The following PCDHA5 variants were observed in gnomAD, a reference collection of about 807,000 sequenced individuals.
PCDHA5 encodes protocadherin alpha-5.
In PCDHA5, 43 loss-of-function variants were observed where a neutral mutation model predicts 61.6. The ratio of observed to expected loss-of-function variants is 0.70; its 90% CI spans 0.55 to 0.90. The LOEUF (loss-of-function observed/expected upper bound fraction) is 0.90. PCDHA5 is among the 40% of genes least tolerant of loss of function. The pLI is 0.00. For synonymous variants in PCDHA5, 627 were observed against 543.9 expected, an observed-to-expected ratio of 1.15 and a Z score of -2.13; for missense variants, 1,298 against 1,222.7, an observed-to-expected ratio of 1.06 and a Z score of -0.92.
chr5:140,869,373 C>A (rs782224697), intron 1 of PCDHA5: 1 of 1,614,102 alleles, frequency 6.2e-7, no homozygotes, highest in Non-Finnish European at 8.5e-7. Context: ...ATTCTCGGAT[C>A]GACCGCGAGG....
intron 1 of PCDHA5, chr5:140,842,567 G>A: frequency 1.3e-6 from 2 of 1,504,984 alleles, no homozygotes; most frequent in Non-Finnish European, 1.8e-6. Context: ...CCTGGACCGC[G>A]AGAGAGTGTC....
intron 1 of PCDHA5, chr5:140,843,377 G>C (rs375387773): frequency 1.3e-6 from 2 of 1,596,146 alleles, no homozygotes; most frequent in Non-Finnish European, 1.7e-6. Flanking sequence ...GTCGGCTGGC[G>C]TTTTGGGTCC....
intron 1 of PCDHA5, chr5:140,841,618 C>T (rs782778902): frequency 6.2e-7 from 1 of 1,614,014 alleles, no homozygotes; most frequent in South Asian, 1.1e-5. Flanking sequence ...GCGGGCGGAG[C>T]GCGGAGTGCA....
At position 140,871,191 on chromosome 5, in the gene PCDHA5, C is replaced by A. The variant is rs370303558; in HGVS notation, c.2352+47064C>A. The A allele has an allele frequency of 2.4e-5, 38 of 1,613,538 alleles. No individual in the cohort carries two copies. The African/African-American group carries it at 4.4e-4, about 19-fold the overall frequency. ...CAGAGGCTGCGCTGGTGGATGTCAA[C>A]GTGTACCTGATCATCGCCATCTGCG... On this transcript the variant is annotated intron_variant, in intron 1 of 3. Transcript: ENST00000529859.
At chr5:140,960,934 A>G (rs1429908471) in intron 1 of PCDHA5, among the ~76,000 whole-genome samples, 3 of 152,236 alleles carry the variant, frequency 2.0e-5, no homozygotes, top group Admixed American at 1.3e-4. Context: ...TACTAAGTTT[A>G]GTGAATTAGA....
At chr5:140,928,874 C>T (rs782794510) in intron 1 of PCDHA5, 1 of 1,614,194 alleles carries the variant, frequency 6.2e-7, no homozygotes, top group Admixed American at 1.7e-5. Context: ...AACTCTGTCC[C>T]TCAGTTACTT....
At position 140,979,482 on chromosome 5, in the gene PCDHA5, C is replaced by A. The variant is rs568650143; in HGVS notation, c.2411+475C>A. On this transcript the variant is annotated intron_variant, in intron 2 of 3. Coordinates refer to ENST00000529859, the MANE Select transcript of PCDHA5 (RefSeq NM_018908.3). Reference sequence around the variant, plus strand: ...ATTGATTGCTATTGTTGTTTGTGTTCACACCTATTAGAGCCTCCTCATCTT... The same window carrying A: ...ATTGATTGCTATTGTTGTTTGTGTTAACACCTATTAGAGCCTCCTCATCTT... Among the ~76,000 whole-genome samples, 6 of 152,068 alleles carry A rather than the reference C, an allele frequency of 3.9e-5. No homozygotes were observed. In the South Asian group the frequency reaches 1.0e-3, roughly 26 times the overall value.
At chr5:140,948,313 G>T (rs1554218515) in intron 1 of PCDHA5, among the ~76,000 whole-genome samples, 2 of 151,362 alleles carry the variant, frequency 1.3e-5, no homozygotes, top group Non-Finnish European at 3.0e-5. Flanking sequence ...TCTTCTTGAG[G>T]GGTAATGTTT....
At chr5:140,944,928 C>A (rs1554216614) in intron 1 of PCDHA5, among the ~76,000 whole-genome samples, 1 of 152,074 alleles carries the variant, frequency 6.6e-6, no homozygotes, top group Non-Finnish European at 1.5e-5. Flanking sequence ...TTGGTTTATG[C>A]CTTCTTTAGA....
rs2041387990 is a variant in PCDHA5, at chr5:140,850,164, G to T, written c.2352+26037G>T. On this transcript the variant is annotated intron_variant, in intron 1 of 3. Transcript: ENST00000529859. ...CGTGACGCTGCAGGTGTTCGTGCTGGACGAGAACGACAATGCGCCGGCGCT... is the reference window on the plus strand; with the variant it reads ...CGTGACGCTGCAGGTGTTCGTGCTGTACGAGAACGACAATGCGCCGGCGCT... 7 of 1,594,758 alleles carry T rather than the reference G, an allele frequency of 4.4e-6. 1 individual carries two copies. Among genetic ancestry groups the T allele is most frequent in the Non-Finnish European group, 6.0e-6 (7 of 1,167,800 alleles).
chr5:140,918,660 A>G (rs1490487097), intron 1 of PCDHA5, among the ~76,000 whole-genome samples: 1 of 152,200 alleles, frequency 6.6e-6, no homozygotes, highest in Non-Finnish European at 1.5e-5. Context: ...TCTCATGTTG[A>G]TGGTATGAAG....
rs1047587407 is a variant in PCDHA5 at position 140,847,610 on chromosome 5, C to G, written c.2352+23483C>G. 4.0e-5 allele frequency: 6 copies of G among 149,370 alleles called. 1 individual carries two copies. The highest frequency in any genetic ancestry group is 1.5e-4 in the African/African-American group (6 of 40,758). 9.3% of individuals were successfully genotyped at this position (149,370 alleles called of 1,614,324 possible). On this transcript the variant is annotated intron_variant, in intron 1 of 3. Coordinates refer to ENST00000529859, the MANE Select transcript of PCDHA5 (RefSeq NM_018908.3). ...ATGAAATTAAAACATATTGTAATAACATTACACAAACTATATTGGAGACTA... is the reference window on the plus strand; with the variant it reads ...ATGAAATTAAAACATATTGTAATAAGATTACACAAACTATATTGGAGACTA...
chr5:141,006,069 C>T (rs1588119997), intron 3 of PCDHA5, among the ~76,000 whole-genome samples: 1 of 148,482 alleles, frequency 6.7e-6, no homozygotes, highest in African/African-American at 2.5e-5. Flanking sequence ...AAATAAAAAT[C>T]AGATTATTGA....
intron 1 of PCDHA5, chr5:140,870,062 A>G (rs1554163774): frequency 5.0e-6 from 8 of 1,613,902 alleles, no homozygotes; most frequent in South Asian, 3.3e-5. Context: ...ATTGAAGTAC[A>G]GGCTACAGAT....
At chr5:140,836,267 T>C in intron 1 of PCDHA5, 1 of 1,613,696 alleles carries the variant, frequency 6.2e-7, no homozygotes, top group Non-Finnish European at 8.5e-7. Flanking sequence ...GGCTGTACAC[T>C]GGTGAGATCA....
chr5:140,861,591 A>G, intron 1 of PCDHA5: 1 of 374,610 alleles, frequency 2.7e-6, no homozygotes, highest in South Asian at 2.5e-5. Context: ...TGTGGAGGTG[A>G]AAGTGAAGAA....
At chr5:140,925,671 A>AATAATAATAATAATG (rs1445697337) in intron 1 of PCDHA5, among the ~76,000 whole-genome samples, 106 of 148,180 alleles carry the variant, frequency 7.2e-4, no homozygotes, top group African/African-American at 2.6e-3. Context: ...TAATAATAAT[A>AATAATAATAATAATG]ATAATAAAGC....
At chr5:140,857,221 C>T in intron 1 of PCDHA5, 1 of 1,598,474 alleles carries the variant, frequency 6.3e-7, no homozygotes, top group South Asian at 1.1e-5. Context: ...TGACGCCTCA[C>T]GTTCCGTTCA....
In PCDHA5 at chr5:140,982,464, T is replaced by C; in HGVS notation, c.2412-11T>C. 6.2e-7 allele frequency: 1 copy of C among 1,614,112 alleles called. No individual in the cohort carries two copies. Among genetic ancestry groups the C allele is most frequent in the Non-Finnish European group, 8.5e-7 (1 of 1,180,010 alleles). ...GATCTAACCGTTATCTGGGTCTGTG[T>C]GTTTATTCAGCTCTGTGCACCTAGA... On this transcript the variant is annotated splice_polypyrimidine_tract_variant and intron_variant, in intron 2 of 3. Coordinates refer to ENST00000529859, the MANE Select transcript of PCDHA5 (RefSeq NM_018908.3).
Sources: allele counts gnomAD v4.1 joint callset (sites outside exome capture counted in the v4.1 genomes callset), GRCh38; gene constraint gnomAD v4.1.1; transcripts MANE v1.5; gene names NCBI Gene and HGNC (gene_info 2026-07-23, HGNC 2026-07-21).